Variants in FRYL observed in about 807,000 individuals in gnomAD.
The protein encoded by FRYL is protein furry homolog-like.
FRYL carries 150 observed loss-of-function variants against 351.2 expected under a neutral mutation model. The ratio of observed to expected loss-of-function variants is 0.43; its 90% CI spans 0.37 to 0.49. The LOEUF is 0.49. FRYL is among the 20% of genes least tolerant of loss of function. FRYL has a pLI of 0.00. For synonymous variants in FRYL, 1,153 were observed against 1,257.1 expected, an observed-to-expected ratio of 0.92 and a Z score of 1.75; for missense variants, 3,036 against 3,619.3, an observed-to-expected ratio of 0.84 and a Z score of 4.13.
intron 3 of FRYL, among the ~76,000 whole-genome samples, chr4:48,658,794 T>C (rs1759815149): frequency 6.6e-6 from 1 of 151,158 alleles, no homozygotes; most frequent in East Asian, 1.9e-4. Context: ...AGGTTTTAGG[T>C]AGAAGGAAAG....
At chr4:48,742,117 G>C (rs1225335552) in intron 1 of FRYL, among the ~76,000 whole-genome samples, 1 of 152,176 alleles carries the variant, frequency 6.6e-6, no homozygotes, top group African/African-American at 2.4e-5. Context: ...TGTGGGAGCA[G>C]GAAGGAAACA....
chr4:48,552,833 G>A (rs1387995107), intron 36 of FRYL, among the ~76,000 whole-genome samples: 1 of 152,042 alleles, frequency 6.6e-6, no homozygotes, highest in Non-Finnish European at 1.5e-5. Flanking sequence ...AACATTTAAA[G>A]TAAACTGAGT....
intron 3 of FRYL, among the ~76,000 whole-genome samples, chr4:48,674,736 C>CAAAAAAAAAAAAAAAAAA (rs58696045): frequency 3.6e-5 from 2 of 55,786 alleles, no homozygotes; most frequent in African/African-American, 1.6e-4. Context: ...GACTCTGTCT[C>CAAAAAAAAAAAAAAAAAA]AAAAAAAAAA....
chr4:48,511,064 G>C (rs1466432438), intron 57 of FRYL, 80 bp from the exon 58 acceptor site: 1 of 798,638 alleles, frequency 1.3e-6, no homozygotes, highest in African/African-American at 1.8e-5. Context: ...AGCATAATAG[G>C]GTAGACTTTT....
At chr4:48,779,276 C>T (rs1429373666) in intron 1 of FRYL, among the ~76,000 whole-genome samples, 1 of 152,252 alleles carries the variant, frequency 6.6e-6, no homozygotes, top group African/African-American at 2.4e-5. Flanking sequence ...AGGCACCCTG[C>T]CCGGTGCCGA....
Position 48,620,677 on chromosome 4 carries a change from A to G in FRYL, c.276T>C (p.Ser92=). The G allele has an allele frequency of 1.2e-6, 2 of 1,613,952 alleles. No individual in the cohort carries two copies. The highest frequency in any genetic ancestry group is 2.2e-5 in the South Asian group (2 of 91,058). The change falls in exon 6 of 64, where the codon TCT becomes TCC. Residue 92 remains serine (S), a synonymous_variant. Transcript: ENST00000358350. The part of the protein sequence containing the change: ...YRRQNGTEDE[S]YEYRPRSSTK... ...TGCTAGACCGAGGCCTATATTCATA[A>G]GATTCATCTTCCGTTCCATTTTGGC...
intron 15 of FRYL, 33 bp from the exon 16 acceptor site, chr4:48,594,049 C>T (rs1465198869): frequency 2.7e-6 from 3 of 1,120,166 alleles, no homozygotes; most frequent in Non-Finnish European, 3.8e-6. Flanking sequence ...TAACTTGCTA[C>T]TATGTGTTAG....
At chr4:48,527,035 T>C (rs1332799916) in intron 53 of FRYL, among the ~76,000 whole-genome samples, 7 of 152,100 alleles carry the variant, frequency 4.6e-5, no homozygotes, top group South Asian at 2.1e-4. Context: ...TACATGAGAA[T>C]TGATGAATGT....
intron 49 of FRYL, among the ~76,000 whole-genome samples, chr4:48,531,960 T>A (rs781019489): frequency 8.6e-5 from 13 of 152,040 alleles, no homozygotes; most frequent in Non-Finnish European, 1.3e-4. Flanking sequence ...TTTAAAAAAA[T>A]TTTTCTGCTT....
chr4:48,747,023 C>G (rs1185837947), intron 1 of FRYL, among the ~76,000 whole-genome samples: 1 of 152,156 alleles, frequency 6.6e-6, no homozygotes, highest in Non-Finnish European at 1.5e-5. Context: ...TTTCACAAAG[C>G]AATATTGATA....
chr4:48,769,676 A>G (rs771399859), intron 1 of FRYL, among the ~76,000 whole-genome samples: 1 of 152,208 alleles, frequency 6.6e-6, no homozygotes, highest in Non-Finnish European at 1.5e-5. Flanking sequence ...AATAGCTCCT[A>G]TGTTCTTCAG....
At chr4:48,525,196 T>TATATATATATATACAC (rs759279145) in intron 53 of FRYL, among the ~76,000 whole-genome samples, 5 of 133,056 alleles carry the variant, frequency 3.8e-5, no homozygotes, top group African/African-American at 1.2e-4. Flanking sequence ...TATATATATA[T>TATATATATATATACAC]ACACACACTT....
intron 59 of FRYL, among the ~76,000 whole-genome samples, chr4:48,507,920 C>T (rs1721617397): frequency 1.3e-5 from 2 of 152,108 alleles, no homozygotes; most frequent in Non-Finnish European, 2.9e-5. Context: ...GACCGCTGGT[C>T]TCACATTGCT....
chr4:48,708,500 G>A (rs1163654121), intron 2 of FRYL, among the ~76,000 whole-genome samples: 1 of 152,004 alleles, frequency 6.6e-6, no homozygotes, highest in Non-Finnish European at 1.5e-5. Context: ...ATTTACCCTT[G>A]GGCCCTGCAA....
chr4:48,613,781 C>A (rs1464430660), intron 7 of FRYL, among the ~76,000 whole-genome samples: 1 of 151,914 alleles, frequency 6.6e-6, no homozygotes, highest in South Asian at 2.1e-4. Flanking sequence ...CATGGTGAAA[C>A]CTCGTCTCTA....
intron 60 of FRYL, among the ~76,000 whole-genome samples, chr4:48,503,301 ATCCATC>A (rs1224876557): frequency 6.6e-6 from 1 of 152,212 alleles, no homozygotes; most frequent in Admixed American, 6.5e-5. Flanking sequence ...ATAAATACTT[ATCCATC>A]ACCATCAAAA....
At position 48,651,213 on chromosome 4, in the gene FRYL, C is replaced by CGTGTGTGTGTGTGT. The variant is rs10604700; in HGVS notation, c.-80-16737_-80-16724dup. Among the ~76,000 whole-genome samples, 33 of 104,962 alleles carry CGTGTGTGTGTGTGT rather than the reference C, an allele frequency of 3.1e-4. 1 individual carries two copies. Among genetic ancestry groups the CGTGTGTGTGTGTGT allele is most frequent in the African/African-American group, 1.2e-3 (31 of 26,536 alleles). The allele number at this position is 104,962 out of a possible 152,430, so 68.9% of individuals were successfully genotyped here. ...CCTGAGTAGCTGGGACCACATGCACCGTGTGTGTGTGTGTGTGTGTGTGTG... is the reference window on the plus strand; with the variant it reads ...CCTGAGTAGCTGGGACCACATGCACCGTGTGTGTGTGTGTGTGTGTGTGTGTGTGTGTGTGTGTG... On this transcript the variant is annotated intron_variant, in intron 3 of 63. Transcript: ENST00000358350.
At chr4:48,718,216 T>C (rs1769083601) in intron 1 of FRYL, among the ~76,000 whole-genome samples, 1 of 151,628 alleles carries the variant, frequency 6.6e-6, no homozygotes, top group Admixed American at 6.6e-5. Flanking sequence ...ATAGTTTAGT[T>C]GCATATTACA....
intron 1 of FRYL, among the ~76,000 whole-genome samples, chr4:48,770,402 T>G (rs1233493759): frequency 6.6e-6 from 1 of 152,188 alleles, no homozygotes; most frequent in Non-Finnish European, 1.5e-5. Flanking sequence ...TTCATCCTTA[T>G]CACATTTTTT....
Sources: gnomAD v4.1 joint callset for allele counts (sites outside exome capture counted in the v4.1 genomes callset) on GRCh38, gnomAD v4.1.1 for gene constraint, MANE v1.5 for transcripts, NCBI Gene and HGNC (gene_info 2026-07-23, HGNC 2026-07-21) for gene names.